The following ATP10B variants were observed in gnomAD, a reference collection of about 807,000 sequenced individuals.
The protein encoded by ATP10B is phospholipid-transporting ATPase VB.
ATP10B carries 122 observed loss-of-function variants against 141.2 expected under a neutral mutation model. The ratio of observed to expected loss-of-function variants is 0.86; its 90% CI spans 0.75 to 1.00. ATP10B has a LOEUF of 1.00. Among genes scored for constraint, ATP10B ranks in the 50% least tolerant of loss-of-function variants. ATP10B has a pLI of 0.00. For synonymous variants in ATP10B, 685 were observed against 692.0 expected, an observed-to-expected ratio of 0.99 and a Z score of 0.16; for missense variants, 1,876 against 1,825.3, an observed-to-expected ratio of 1.03 and a Z score of -0.51.
intron 3 of ATP10B, among the ~76,000 whole-genome samples, chr5:160,708,822 T>C (rs1474294747): frequency 6.6e-6 from 1 of 152,186 alleles, no homozygotes; most frequent in East Asian, 1.9e-4. Flanking sequence ...CTGACTCTGA[T>C]TTATCTGCAT....
chr5:160,643,904 C>T (rs1373903071), intron 9 of ATP10B, among the ~76,000 whole-genome samples: 1 of 152,156 alleles, frequency 6.6e-6, no homozygotes, highest in African/African-American at 2.4e-5. Flanking sequence ...GTGTGAATCC[C>T]TTTCCCTATC....
At chr5:160,734,080 G>A (rs1766939854) in intron 2 of ATP10B, among the ~76,000 whole-genome samples, 1 of 124,036 alleles carries the variant, frequency 8.1e-6, no homozygotes, top group Non-Finnish European at 1.6e-5. Flanking sequence ...TGCACTCCAG[G>A]TTGGTGACAG....
chr5:160,885,088 C>T, the ATP10B span, among the ~76,000 whole-genome samples: 10 of 152,270 alleles, frequency 6.6e-5, no homozygotes, highest in South Asian at 2.1e-3. Context: ...TGTTTGATCC[C>T]ACAAGCCACC....
At chr5:160,829,815 C>T (rs540381544) in intron 1 of ATP10B, among the ~76,000 whole-genome samples, 8 of 151,866 alleles carry the variant, frequency 5.3e-5, no homozygotes, top group Admixed American at 3.3e-4. Context: ...ATCCTGCAAC[C>T]TTGTTAAACT....
chr5:160,636,418 C>T, intron 10 of ATP10B, 109 bp from the exon 11 acceptor site: 1 of 1,150,244 alleles, frequency 8.7e-7, no homozygotes, highest in Non-Finnish European at 1.2e-6. Context: ...CTTTGGAGGA[C>T]CCCTCCTTCT....
chr5:160,863,163 C>T, the ATP10B span, among the ~76,000 whole-genome samples: 108,784 of 151,770 alleles, frequency 0.72, 41,206 homozygotes, highest in East Asian at 0.97. Context: ...GAGTTCCTAC[C>T]CAATATCTGA....
chr5:160,921,997 A>G, the ATP10B span, among the ~76,000 whole-genome samples: 1 of 152,224 alleles, frequency 6.6e-6, no homozygotes, highest in Non-Finnish European at 1.5e-5. Flanking sequence ...GTGTCCTCTG[A>G]TAGAGATGGG....
the ATP10B span, among the ~76,000 whole-genome samples, chr5:160,894,829 A>G: frequency 6.6e-6 from 1 of 152,226 alleles, no homozygotes; most frequent in Non-Finnish European, 1.5e-5. Context: ...CCACAAAGGG[A>G]AGCCCATCAG....
rs965165636 is a variant in ATP10B, at chr5:160,702,887, T to C, written c.-204-13944A>G. 2.6e-5 allele frequency among the ~76,000 whole-genome samples: 4 copies of C among 152,354 alleles called. No homozygotes were observed. The South Asian group carries it at 8.3e-4, about 32-fold the overall frequency. ...CCTGCTTTCAATATTATTTATCTTT[T>C]AATAGTAGTTTATGCCACCTCTATT... On this transcript the variant is annotated intron_variant, in intron 3 of 25. Coordinates refer to ENST00000327245, the MANE Select transcript of ATP10B (RefSeq NM_025153.3).
At chr5:160,762,749 G>A (rs1581484038) in intron 2 of ATP10B, among the ~76,000 whole-genome samples, 1 of 152,024 alleles carries the variant, frequency 6.6e-6, no homozygotes. Context: ...TGGCCTAAAT[G>A]TTCCACTTAA....
intron 2 of ATP10B, among the ~76,000 whole-genome samples, chr5:160,735,643 G>A (rs999341796): frequency 1.9e-4 from 29 of 151,930 alleles, no homozygotes; most frequent in Non-Finnish European, 1.8e-4. Context: ...TAGACCAAAT[G>A]GATCTACTAG....
the ATP10B span, among the ~76,000 whole-genome samples, chr5:160,913,828 C>T: frequency 6.6e-6 from 1 of 152,088 alleles, no homozygotes; most frequent in Admixed American, 6.6e-5. Context: ...GTGAAAATAC[C>T]CAGTCCAATC....
At chr5:160,727,279 C>A (rs1766429669) in intron 2 of ATP10B, among the ~76,000 whole-genome samples, 1 of 152,226 alleles carries the variant, frequency 6.6e-6, no homozygotes, top group Non-Finnish European at 1.5e-5. Context: ...CCTCTATCAT[C>A]ATTTTCCACA....
the ATP10B span, among the ~76,000 whole-genome samples, chr5:160,860,828 A>G: frequency 1.4e-3 from 217 of 152,058 alleles, no homozygotes; most frequent in Non-Finnish European, 2.0e-3. Flanking sequence ...ATGAAGCTAT[A>G]TTTTTCAAGA....
chr5:160,642,020 T>C (rs113947849), intron 9 of ATP10B, among the ~76,000 whole-genome samples: 28 of 152,352 alleles, frequency 1.8e-4, no homozygotes, highest in African/African-American at 6.5e-4. Context: ...TTCACCCACC[T>C]GATCCTTGCC....
At chr5:160,865,464 A>G in the ATP10B span, among the ~76,000 whole-genome samples, 2 of 152,184 alleles carry the variant, frequency 1.3e-5, no homozygotes, top group Non-Finnish European at 2.9e-5. Flanking sequence ...CTGAAACCAT[A>G]CAAATTCTAG....
chr5:160,741,724 T>C (rs34501579), intron 2 of ATP10B, among the ~76,000 whole-genome samples: 49 of 152,320 alleles, frequency 3.2e-4, no homozygotes, highest in Non-Finnish European at 5.7e-4. Flanking sequence ...ATGAGCCCAG[T>C]AGAAAATTCT....
intron 6 of ATP10B, among the ~76,000 whole-genome samples, chr5:160,681,503 G>C (rs1173548297): frequency 6.6e-6 from 1 of 152,096 alleles, no homozygotes; most frequent in African/African-American, 2.4e-5. Context: ...AAGAACCTAG[G>C]GCCAGAAGTG....
At chr5:160,772,756 C>T (rs1444425877) in intron 2 of ATP10B, among the ~76,000 whole-genome samples, 2 of 152,138 alleles carry the variant, frequency 1.3e-5, no homozygotes, top group South Asian at 2.1e-4. Context: ...TGATCCATGG[C>T]CTGGGGGTTG....
Sources: gnomAD v4.1 joint callset for allele counts (sites outside exome capture counted in the v4.1 genomes callset) on GRCh38, gnomAD v4.1.1 for gene constraint, MANE v1.5 for transcripts, NCBI Gene and HGNC (gene_info 2026-07-23, HGNC 2026-07-21) for gene names.